The following OSBPL3 variants were observed in gnomAD, a reference collection of about 807,000 sequenced individuals.
OSBPL3 encodes oxysterol binding protein like 3, also known as oxysterol-binding protein-related protein 3.
Under a neutral mutation model 120.1 loss-of-function variants are expected in OSBPL3, and 65 were observed. That is an observed-to-expected ratio of 0.54 (90% CI 0.44 to 0.67). The LOEUF (loss-of-function observed/expected upper bound fraction) is 0.67, where lower values mean the gene tolerates loss of function less well. Among genes scored for constraint, OSBPL3 ranks in the 30% least tolerant of loss-of-function variants. The pLI, the probability that OSBPL3 is intolerant of heterozygous loss-of-function variation, is 0.00. For synonymous variants in OSBPL3, 416 were observed against 402.6 expected (o/e 1.03, Z -0.40); for missense variants, 1,004 against 1,082.1 (o/e 0.93, Z 1.01).
rs1454674700 is a variant in OSBPL3, at chr7:24,912,931, GC to G, written c.-149-20311del. Among the ~76,000 whole-genome samples, 1 of 152,174 alleles carries G rather than the reference GC, an allele frequency of 6.6e-6. No homozygotes were observed. Among genetic ancestry groups the G allele is most frequent in the Non-Finnish European group, 1.5e-5 (1 of 68,028 alleles). ...CTTGTCCTGTTGTCTCAGGGTGCTT[GC>G]CCTTCAACTCAGCCACCACGATGTG... On this transcript the variant is annotated intron_variant, in intron 1 of 22. Transcript: ENST00000313367. This position sits in a 1 kb window ranked among gnomAD's most constrained non-coding sequence, Gnocchi z 4.5.
In OSBPL3 at chr7:24,819,031, G is replaced by C. The variant is rs1794801150; in HGVS notation, c.1948+1144C>G. 6.6e-6 allele frequency among the ~76,000 whole-genome samples: 1 copy of C among 152,010 alleles called. No individual in the cohort carries two copies. Among genetic ancestry groups the C allele is most frequent in the Non-Finnish European group, 1.5e-5 (1 of 68,002 alleles). On this transcript the variant is annotated intron_variant, in intron 17 of 22. Transcript: ENST00000313367. The surrounding 1 kb of genome is among the most constrained non-coding windows in gnomAD (Gnocchi z 4.1). ...GCATTTTGGGAGGCCGAGGCAGGCG[G>C]ATCACAAGGTCAAGAGATCAAGACC...
rs957960278 is a variant in OSBPL3 at position 24,818,953 on chromosome 7, TA to T, written c.1948+1221del. On this transcript the variant is annotated intron_variant, in intron 17 of 22. Coordinates refer to ENST00000313367, the MANE Select transcript of OSBPL3 (RefSeq NM_015550.4). This position sits in a 1 kb window ranked among gnomAD's most constrained non-coding sequence, Gnocchi z 4.0. ...ACTACTTTGAGAAGACCCCTCGCAT[TA>T]AAAAAAAATCCAACTTTTGGCTGGG... Among the ~76,000 whole-genome samples the T allele has an allele frequency of 9.3e-5, 14 of 151,052 alleles. No individual in the cohort carries two copies. Among genetic ancestry groups the T allele is most frequent in the African/African-American group, 2.7e-4 (11 of 41,256 alleles).
intron 1 of OSBPL3, among the ~76,000 whole-genome samples, chr7:24,928,441 T>A (rs930709480): frequency 6.6e-6 from 1 of 152,176 alleles, no homozygotes; most frequent in Non-Finnish European, 1.5e-5. Context: ...TCTGCCCACC[T>A]TGGCCTCCCA....
At chr7:24,880,355 G>A (rs1215342452) in intron 2 of OSBPL3, among the ~76,000 whole-genome samples, 1 of 152,106 alleles carries the variant, frequency 6.6e-6, no homozygotes. Flanking sequence ...AAGCAAACTA[G>A]CACTCAGCTG....
rs992789572 is a variant in OSBPL3 at position 24,830,571 on chromosome 7, G to A, written c.1884+197C>T. 1.3e-5 allele frequency among the ~76,000 whole-genome samples: 2 copies of A among 152,176 alleles called. No individual in the cohort carries two copies. The highest frequency in any genetic ancestry group is 2.9e-5 in the Non-Finnish European group (2 of 68,032). On this transcript the variant is annotated intron_variant, in intron 16 of 22. Transcript: ENST00000313367. The surrounding 1 kb of genome is among the most constrained non-coding windows in gnomAD (Gnocchi z 4.4). ...GCCAAGCAAGTGTGCAGAATTACGG[G>A]TGGTAACTTTATGCCCCTGGGTGGT...
intron 13 of OSBPL3, among the ~76,000 whole-genome samples, chr7:24,841,694 CAAAAAAAAAA>C (rs67988881): frequency 8.2e-4 from 10 of 12,138 alleles, no homozygotes; most frequent in South Asian, 5.1e-3. Flanking sequence ...GACTATGTCT[CAAAAAAAAAA>C]AAAAAAAAAA....
At position 24,930,819 on chromosome 7, in the gene OSBPL3, A is replaced by G. The variant is rs909708197; in HGVS notation, c.-149-38198T>C. ...AGGTGAAGGATTTCTGATTAAATGA[A>G]TTCATCAATGAGATTTTGTCACTGA... On this transcript the variant is annotated intron_variant, in intron 1 of 22. Transcript: ENST00000313367. This position sits in a 1 kb window ranked among gnomAD's most constrained non-coding sequence, Gnocchi z 4.4. Among the ~76,000 whole-genome samples the G allele has an allele frequency of 6.6e-6, 1 of 152,220 alleles. No homozygotes were observed. The highest frequency in any genetic ancestry group is 2.4e-5 in the African/African-American group (1 of 41,448).
At chr7:24,904,880 TAC>T (rs2128394783) in intron 1 of OSBPL3, among the ~76,000 whole-genome samples, 1 of 151,126 alleles carries the variant, frequency 6.6e-6, no homozygotes, top group African/African-American at 2.4e-5. Context: ...GTTTAATGGA[TAC>T]AGAGTTTCAG....
intron 1 of OSBPL3, among the ~76,000 whole-genome samples, chr7:24,908,077 G>A (rs1310286268): frequency 1.3e-5 from 2 of 151,914 alleles, no homozygotes; most frequent in African/African-American, 2.4e-5. Context: ...TTAAGTCTTT[G>A]GCCACAAGAG....
chr7:24,829,634 G>GTC (rs1290513358), intron 16 of OSBPL3, among the ~76,000 whole-genome samples: 1 of 152,178 alleles, frequency 6.6e-6, no homozygotes, highest in East Asian at 1.9e-4. Flanking sequence ...AAGCAATGAT[G>GTC]TCTAATGTCC....
chr7:24,911,822 C>A (rs914368956), intron 1 of OSBPL3, among the ~76,000 whole-genome samples: 6 of 152,152 alleles, frequency 3.9e-5, no homozygotes, highest in Non-Finnish European at 8.8e-5. Flanking sequence ...ACCTGAGACA[C>A]TTTTAAACTA....
chr7:24,906,336 C>A, intron 1 of OSBPL3: 1 of 239,878 alleles, frequency 4.2e-6, no homozygotes, highest in Non-Finnish European at 8.5e-6. Context: ...CATACCAGGG[C>A]AAAGAGGAGC....
chr7:24,908,284 A>G lies in OSBPL3; in HGVS notation c.-149-15663T>C, dbSNP rs535788967. ...CATTATTTTTTCAGTCTTCTTAAAA[A>G]TTAAATGATCGGCAAAACAAGTCAA... On this transcript the variant is annotated intron_variant, in intron 1 of 22. Coordinates refer to ENST00000313367, the MANE Select transcript of OSBPL3 (RefSeq NM_015550.4). Among the ~76,000 whole-genome samples the G allele has an allele frequency of 1.2e-4, 19 of 152,360 alleles. No homozygotes were observed. The South Asian group carries it at 3.7e-3, about 30-fold the overall frequency.
intron 1 of OSBPL3, among the ~76,000 whole-genome samples, chr7:24,895,515 C>T (rs940693195): frequency 5.3e-5 from 8 of 152,140 alleles, no homozygotes; most frequent in Admixed American, 2.6e-4. Flanking sequence ...CTATCTTAAG[C>T]GACGCATGAC....
In OSBPL3 at chr7:24,815,270, T is replaced by C; in HGVS notation, c.2028-67A>G. 2 of 1,275,578 alleles carry C rather than the reference T, an allele frequency of 1.6e-6. No homozygotes were observed. The highest frequency in any genetic ancestry group is 2.3e-5 in the East Asian group (1 of 43,276). The allele number at this position is 1,275,578 out of a possible 1,614,324, so 79.0% of individuals were successfully genotyped here. On this transcript the variant is annotated intron_variant, in intron 18 of 22. Transcript: ENST00000313367. The surrounding 1 kb of genome is among the most constrained non-coding windows in gnomAD (Gnocchi z 5.1). ...GCCAGCAGCAAATGCAAACAAACTCTGCTCTTTTATAAAATAAGTCATGCA... is the reference window on the plus strand; with the variant it reads ...GCCAGCAGCAAATGCAAACAAACTCCGCTCTTTTATAAAATAAGTCATGCA...
intron 1 of OSBPL3, among the ~76,000 whole-genome samples, chr7:24,925,405 C>T (rs1810927884): frequency 6.6e-6 from 1 of 152,206 alleles, no homozygotes; most frequent in Non-Finnish European, 1.5e-5. Flanking sequence ...AGAAATATCC[C>T]AATTCCAGCC....
intron 10 of OSBPL3, among the ~76,000 whole-genome samples, 178 bp downstream of exon 10, chr7:24,861,435 A>G (rs940544187): frequency 5.3e-5 from 8 of 152,238 alleles, no homozygotes; most frequent in Non-Finnish European, 8.8e-5. Context: ...GGTTAAAAAG[A>G]AAGTTCTTGC....
rs776110648 is a variant in OSBPL3 at position 24,913,612 on chromosome 7, C to T, written c.-149-20991G>A. On this transcript the variant is annotated intron_variant, in intron 1 of 22. Coordinates refer to ENST00000313367, the MANE Select transcript of OSBPL3 (RefSeq NM_015550.4). The surrounding 1 kb of genome is among the most constrained non-coding windows in gnomAD (Gnocchi z 5.3). ...GACACTGGGAATCTAGGACTGGGCA[C>T]AAAGATGAAAAGACACATGAACCCC... Among the ~76,000 whole-genome samples the T allele has an allele frequency of 2.3e-4, 35 of 152,054 alleles. No homozygotes were observed. The highest frequency in any genetic ancestry group is 3.5e-4 in the Non-Finnish European group (24 of 68,022).
rs1243438326 is a variant in OSBPL3, at chr7:24,916,913, T to G, written c.-149-24292A>C. On this transcript the variant is annotated intron_variant, in intron 1 of 22. Transcript: ENST00000313367. The surrounding 1 kb of genome is among the most constrained non-coding windows in gnomAD (Gnocchi z 4.9). ...CTGGCAGCCACTAAGACGTCTTCCA[T>G]TTCCACCCCCCCCAACCTTTTTAGA... Among the ~76,000 whole-genome samples, 1 of 92,694 alleles carries G rather than the reference T, an allele frequency of 1.1e-5. No individual in the cohort carries two copies. Among genetic ancestry groups the G allele is most frequent in the East Asian group, 4.4e-4 (1 of 2,286 alleles). The allele number at this position is 92,694 out of a possible 152,430, so 60.8% of individuals were successfully genotyped here.
Sources: allele counts gnomAD v4.1 joint callset (sites outside exome capture counted in the v4.1 genomes callset), GRCh38; gene constraint gnomAD v4.1.1; non-coding constraint Gnocchi (gnomAD v3.1); transcripts MANE v1.5; gene names NCBI Gene and HGNC (gene_info 2026-07-23, HGNC 2026-07-21).